GABRB2: variants seen among roughly 807,000 people sequenced by gnomAD.
The protein encoded by GABRB2 is gamma-aminobutyric acid receptor subunit beta-2.
Under a neutral mutation model 54.7 loss-of-function variants are expected in GABRB2, and 16 were observed. The ratio of observed to expected loss-of-function variants is 0.29; its 90% CI spans 0.20 to 0.44. The LOEUF (loss-of-function observed/expected upper bound fraction) is 0.44, where lower values mean the gene tolerates loss of function less well. Ranked by LOEUF, GABRB2 falls within the 20% of genes least tolerant of loss-of-function variation. GABRB2 has a pLI of 1.00. For missense variants in GABRB2, 355 were observed against 644.0 expected (o/e 0.55, Z 4.86); for synonymous variants, 244 against 233.8 (o/e 1.04, Z -0.40).
chr5:161,521,629 A>G (rs760893493), intron 3 of GABRB2, among the ~76,000 whole-genome samples: 2 of 151,948 alleles, frequency 1.3e-5, no homozygotes, highest in Non-Finnish European at 2.9e-5. Context: ...CATCACTTTT[A>G]AAGTCCCAGA....
At chr5:161,347,588 T>G (rs1335018822) in intron 5 of GABRB2, among the ~76,000 whole-genome samples, 2 of 152,114 alleles carry the variant, frequency 1.3e-5, no homozygotes, top group South Asian at 4.1e-4. Context: ...GCCTGCAGTA[T>G]GATGAGGGCC....
At chr5:161,294,504 TC>T (rs554004617) in intron 9 of GABRB2, 76 bp from the exon 10 acceptor site, 4 of 1,286,168 alleles carry the variant, frequency 3.1e-6, no homozygotes, top group Non-Finnish European at 4.4e-6. Context: ...GGCACTATGA[TC>T]GGCACTTAAG....
At chr5:161,408,661 T>A (rs113188462) in intron 5 of GABRB2, among the ~76,000 whole-genome samples, 2 of 151,608 alleles carry the variant, frequency 1.3e-5, no homozygotes, top group African/African-American at 4.9e-5. Flanking sequence ...GTTAGGTTAA[T>A]TTTCATTTGC....
At chr5:161,544,078 A>G (rs1315265492) in intron 3 of GABRB2, among the ~76,000 whole-genome samples, 1 of 152,138 alleles carries the variant, frequency 6.6e-6, no homozygotes, top group Non-Finnish European at 1.5e-5. Flanking sequence ...TTGGTTACTG[A>G]GCTTCTTCTT....
intron 3 of GABRB2, among the ~76,000 whole-genome samples, chr5:161,539,105 CTT>C (rs1450862844): frequency 6.6e-6 from 1 of 152,176 alleles, no homozygotes; most frequent in African/African-American, 2.4e-5. Context: ...TTGCTTCACT[CTT>C]TGGTTGGCAA....
intron 3 of GABRB2, among the ~76,000 whole-genome samples, chr5:161,468,808 C>T (rs1321432137): frequency 6.6e-6 from 1 of 151,736 alleles, no homozygotes; most frequent in Non-Finnish European, 1.5e-5. Context: ...GACCTTAAGA[C>T]CCCCAAAAAA....
rs148320584 is a variant in GABRB2 at position 161,411,054 on chromosome 5, G to A, written c.462C>T (p.Ile154=). Residue 154 remains isoleucine, a synonymous_variant, in exon 5 of 10, where the codon ATC becomes ATT. Transcript: ENST00000393959. The part of the protein sequence containing the change: ...PDGTVLYGLR[I]TTTAACMMDL... Reference sequence around the variant, plus strand: ...CCATCATGCAGGCAGCTGTGGTTGTGATTCTAGAAGACAAATAGCAATGAT... The same window carrying A: ...CCATCATGCAGGCAGCTGTGGTTGTAATTCTAGAAGACAAATAGCAATGAT... The A allele has an allele frequency of 1.5e-4, 239 of 1,612,150 alleles. No homozygotes were observed. Among genetic ancestry groups the A allele is most frequent in the Non-Finnish European group, 2.0e-4 (234 of 1,178,474 alleles).
intron 4 of GABRB2, among the ~76,000 whole-genome samples, chr5:161,448,071 T>C (rs190331480): frequency 6.6e-6 from 1 of 152,310 alleles, no homozygotes; most frequent in East Asian, 1.9e-4. Context: ...TGTGCAGCCT[T>C]GAAATTAAAA....
At chr5:161,487,128 G>A (rs13160009) in intron 3 of GABRB2, among the ~76,000 whole-genome samples, 2,375 of 151,994 alleles carry the variant, frequency 0.016, 29 homozygotes, top group East Asian at 0.024. Context: ...TACTGAAAAT[G>A]TTCTTTTCCC....
At chr5:161,510,015 T>G (rs182005206) in intron 3 of GABRB2, among the ~76,000 whole-genome samples, 76 of 152,048 alleles carry the variant, frequency 5.0e-4, no homozygotes, top group African/African-American at 1.7e-3. Context: ...ATAGTAGGTG[T>G]GTACATTTAC....
intron 9 of GABRB2, among the ~76,000 whole-genome samples, chr5:161,322,207 A>T (rs1758230857): frequency 6.6e-6 from 1 of 152,126 alleles, no homozygotes; most frequent in Admixed American, 6.6e-5. Flanking sequence ...CTAAGCATAT[A>T]GTAGGTATTC....
intron 4 of GABRB2, among the ~76,000 whole-genome samples, chr5:161,440,558 C>T (rs1468824145): frequency 1.3e-5 from 2 of 151,920 alleles, no homozygotes; most frequent in African/African-American, 4.8e-5. Flanking sequence ...ACATATGCAC[C>T]CAACATTGGA....
chr5:161,366,523 C>G (rs758727790), intron 5 of GABRB2, among the ~76,000 whole-genome samples: 1 of 152,124 alleles, frequency 6.6e-6, no homozygotes, highest in Non-Finnish European at 1.5e-5. Context: ...AAATGCCAGT[C>G]AATCTGGGTA....
At chr5:161,314,006 T>C (rs139313117) in intron 9 of GABRB2, among the ~76,000 whole-genome samples, 14 of 152,364 alleles carry the variant, frequency 9.2e-5, no homozygotes, top group African/African-American at 3.1e-4. Context: ...CGTGTTATAC[T>C]GCAGCTGGCT....
intron 5 of GABRB2, among the ~76,000 whole-genome samples, chr5:161,373,522 CACT>C (rs1257433718): frequency 6.6e-6 from 1 of 152,170 alleles, no homozygotes; most frequent in Non-Finnish European, 1.5e-5. Context: ...TTTTATCAGC[CACT>C]GTGTACCAAC....
At chr5:161,525,864 T>C (rs1471102116) in intron 3 of GABRB2, among the ~76,000 whole-genome samples, 1 of 151,268 alleles carries the variant, frequency 6.6e-6, no homozygotes, top group East Asian at 1.9e-4. Context: ...ACAGAAAAAA[T>C]AAAAATTTCA....
intron 3 of GABRB2, among the ~76,000 whole-genome samples, chr5:161,541,439 A>G (rs1304924711): frequency 6.6e-6 from 1 of 152,234 alleles, no homozygotes; most frequent in Non-Finnish European, 1.5e-5. Flanking sequence ...TGACAGTCTT[A>G]GATGTCATCT....
intron 3 of GABRB2, among the ~76,000 whole-genome samples, chr5:161,470,877 G>A (rs1758417865): frequency 6.6e-6 from 1 of 151,976 alleles, no homozygotes; most frequent in Admixed American, 6.6e-5. Flanking sequence ...TTGGTTAAGT[G>A]ATCCAGGCGT....
At chr5:161,499,535 C>A (rs941772307) in intron 3 of GABRB2, among the ~76,000 whole-genome samples, 2 of 152,126 alleles carry the variant, frequency 1.3e-5, no homozygotes, top group South Asian at 2.1e-4. Context: ...GTAACTATCT[C>A]CAAATGATGG....
Sources: gnomAD v4.1 joint callset for allele counts (sites outside exome capture counted in the v4.1 genomes callset) on GRCh38, gnomAD v4.1.1 for gene constraint, MANE v1.5 for transcripts, NCBI Gene and HGNC (gene_info 2026-07-23, HGNC 2026-07-21) for gene names.